The following NAPEPLD variants were observed in gnomAD, a reference collection of about 807,000 sequenced individuals.
NAPEPLD encodes N-acyl-phosphatidylethanolamine-hydrolyzing phospholipase D.
A neutral mutation model predicts 38.1 loss-of-function variants in NAPEPLD; 23 were observed. The observed-to-expected ratio is 0.60, with a 90% CI of 0.43 to 0.86. The LOEUF (loss-of-function observed/expected upper bound fraction) is 0.86. Ranked by LOEUF, NAPEPLD falls within the 40% of genes least tolerant of loss-of-function variation. The probability of loss-of-function intolerance (pLI) is 0.00; values close to 1 mark genes in which losing one functional copy is unlikely to be tolerated. For missense variants in NAPEPLD, 411 were observed against 476.8 expected (o/e 0.86, Z 1.28); for synonymous variants, 147 against 162.0 (o/e 0.91, Z 0.71).
chr7:103,128,788 A>G lies in NAPEPLD; in HGVS notation c.-12T>C. The G allele has an allele frequency of 6.3e-7, 1 of 1,599,956 alleles. No individual in the cohort carries two copies. The highest frequency in any genetic ancestry group is 8.5e-7 in the Non-Finnish European group (1 of 1,175,424). On this transcript the variant is annotated 5_prime_UTR_variant, in exon 2 of 5. Coordinates refer to ENST00000465647, the MANE Select transcript of NAPEPLD (RefSeq NM_001122838.3). ...TCATTTTCATCCATGTCCTTTGGTG[A>G]AGAACTAAAAAAAACAAGGGGGAAA...
At chr7:103,140,608 C>T (rs142040578) in intron 1 of NAPEPLD, among the ~76,000 whole-genome samples, 2,345 of 151,792 alleles carry the variant, frequency 0.015, 33 homozygotes, top group Middle Eastern at 0.054. Context: ...TTAGCCAGGA[C>T]GGTCTCAATC....
upstream of NAPEPLD, among the ~76,000 whole-genome samples, chr7:103,149,850 C>T (rs1303623602): frequency 2.6e-5 from 4 of 152,200 alleles, no homozygotes; most frequent in African/African-American, 4.8e-5. Flanking sequence ...CAATCACAGT[C>T]GAGAAGCATT....
At chr7:103,107,604 T>C (rs1803638187) in intron 4 of NAPEPLD, among the ~76,000 whole-genome samples, 1 of 151,912 alleles carries the variant, frequency 6.6e-6, no homozygotes, top group South Asian at 2.1e-4. Flanking sequence ...TCATTAAGCA[T>C]ACACAGTATC....
chr7:103,129,448 T>C (rs1261511875), intron 1 of NAPEPLD: 2 of 361,214 alleles, frequency 5.5e-6, no homozygotes, highest in Non-Finnish European at 7.7e-6. Flanking sequence ...TTCATACATG[T>C]ATTTAGAAAA....
At chr7:103,125,491 GCAAT>G (rs1807568233) in intron 2 of NAPEPLD, among the ~76,000 whole-genome samples, 1 of 152,160 alleles carries the variant, frequency 6.6e-6, no homozygotes, top group Non-Finnish European at 1.5e-5. Context: ...ATGAATGGTT[GCAAT>G]CAGAGTATTC....
intron 4 of NAPEPLD, among the ~76,000 whole-genome samples, chr7:103,104,150 T>C (rs1257293137): frequency 6.6e-6 from 1 of 152,194 alleles, no homozygotes; most frequent in Non-Finnish European, 1.5e-5. Flanking sequence ...CACCCTTTAC[T>C]GAGATGTTTG....
chr7:103,137,510 G>A (rs573182417), intron 1 of NAPEPLD, among the ~76,000 whole-genome samples: 4 of 152,072 alleles, frequency 2.6e-5, no homozygotes, highest in South Asian at 4.2e-4. Context: ...ATCATGTTAC[G>A]GTAAATTTGG....
At chr7:103,117,109 C>T (rs375694099) in intron 3 of NAPEPLD, among the ~76,000 whole-genome samples, 25 of 152,320 alleles carry the variant, frequency 1.6e-4, no homozygotes, top group East Asian at 1.5e-3. Flanking sequence ...CCTAGTCTGC[C>T]AGTGACAACT....
chr7:103,143,048 ACT>A (rs199786731), intron 1 of NAPEPLD, among the ~76,000 whole-genome samples: 4,053 of 144,026 alleles, frequency 0.028, 202 homozygotes, highest in African/African-American at 0.097. Flanking sequence ...ACATAGTGAG[ACT>A]CTGTCTCTAC....
chr7:103,119,489 A>T, intron 3 of NAPEPLD, 88 bp downstream of exon 3: 2 of 1,422,428 alleles, frequency 1.4e-6, no homozygotes, highest in Middle Eastern at 1.9e-4. Flanking sequence ...ATCATAAATT[A>T]CAGTGTCACA....
intron 1 of NAPEPLD, among the ~76,000 whole-genome samples, chr7:103,138,400 G>GA (rs1406977178): frequency 1.3e-5 from 2 of 151,268 alleles, no homozygotes; most frequent in Non-Finnish European, 1.5e-5. Context: ...GAGAAAGAGG[G>GA]AAAAAAGCAC....
chr7:103,121,417 G>A (rs1806674152), intron 2 of NAPEPLD, among the ~76,000 whole-genome samples: 1 of 152,128 alleles, frequency 6.6e-6, no homozygotes. Flanking sequence ...CACCATGTAT[G>A]TGTTCAGGCT....
intron 2 of NAPEPLD, among the ~76,000 whole-genome samples, chr7:103,125,892 AT>A: frequency 1.3e-4 from 2 of 14,944 alleles, no homozygotes; most frequent in Non-Finnish European, 9.7e-4. Flanking sequence ...TGTCTCAAAA[AT>A]AATAATAATA....
At chr7:103,111,787 A>C (rs1804576358) in intron 4 of NAPEPLD, among the ~76,000 whole-genome samples, 1 of 152,242 alleles carries the variant, frequency 6.6e-6, no homozygotes, top group Non-Finnish European at 1.5e-5. Context: ...GAGCTTCTGC[A>C]CAGCAAAAAA....
chr7:103,149,406 CCCGAGCCCGCCGCGCTGGCTCCG>C (rs1429434854), upstream of NAPEPLD: 2 of 1,226,362 alleles, frequency 1.6e-6, no homozygotes, highest in South Asian at 2.7e-5. Flanking sequence ...TTCTTCCTAA[CCCGAGCCCGCCGCGCTGGCTCCG>C]CCGAGGACGC....
At chr7:103,120,708 T>TC (rs1806491974) in intron 2 of NAPEPLD, among the ~76,000 whole-genome samples, 1 of 108,152 alleles carries the variant, frequency 9.2e-6, no homozygotes, top group African/African-American at 4.8e-5. Context: ...TTTCTTTTTT[T>TC]TTTTTTTTTT....
chr7:103,128,819 T>A (rs201086706), intron 1 of NAPEPLD, 27 bp from the exon 2 acceptor site: 4 of 1,579,888 alleles, frequency 2.5e-6, no homozygotes, highest in Middle Eastern at 1.7e-4. Context: ...GGAAAAATAC[T>A]GAGTTGAACA....
rs1448391914 is a variant in NAPEPLD, at chr7:103,101,039, T to C, written c.*2390A>G. 6.6e-6 allele frequency: 1 copy of C among 152,232 alleles called. No homozygotes were observed. Among genetic ancestry groups the C allele is most frequent in the African/African-American group, 2.4e-5 (1 of 41,472 alleles). 9.4% of individuals were successfully genotyped at this position (152,232 alleles called of 1,614,324 possible). ...TGAATACAAAATAATGTTAAGGCCA[T>C]TCATGGAGAAGAAATACTTAAGCAA... On this transcript the variant is annotated 3_prime_UTR_variant, in exon 5 of 5. Transcript: ENST00000465647.
At chr7:103,118,547 T>A (rs1806000084) in intron 3 of NAPEPLD, among the ~76,000 whole-genome samples, 1 of 152,232 alleles carries the variant, frequency 6.6e-6, no homozygotes, top group African/African-American at 2.4e-5. Flanking sequence ...AAGTTTAGAT[T>A]CATTCAATTC....
Sources: gnomAD v4.1 joint callset for allele counts (sites outside exome capture counted in the v4.1 genomes callset) on GRCh38, gnomAD v4.1.1 for gene constraint, MANE v1.5 for transcripts, NCBI Gene and HGNC (gene_info 2026-07-23, HGNC 2026-07-21) for gene names.